The following RAPH1 variants were observed in gnomAD, a reference collection of about 807,000 sequenced individuals.
RAPH1 encodes the protein ras-associated and pleckstrin homology domains-containing protein 1.
A neutral mutation model predicts 88.1 loss-of-function variants in RAPH1; 18 were observed. The ratio of observed to expected loss-of-function variants is 0.20; its 90% confidence interval spans 0.14 to 0.30. RAPH1 has a LOEUF of 0.30. Among genes scored for constraint, RAPH1 ranks in the 10% least tolerant of loss-of-function variants. The probability of loss-of-function intolerance (pLI) is 1.00; values close to 1 mark genes in which losing one functional copy is unlikely to be tolerated. For missense variants in RAPH1, 1,448 were observed against 1,543.2 expected (o/e 0.94, Z 1.03); for synonymous variants, 587 against 559.0 (o/e 1.05, Z -0.71).
intron 1 of RAPH1, among the ~76,000 whole-genome samples, chr2:203,506,806 C>CTA (rs1559494440): frequency 1.6e-3 from 146 of 90,512 alleles, no homozygotes; most frequent in Non-Finnish European, 2.2e-3. Flanking sequence ...ATATATATAT[C>CTA]TATATCTATA....
At position 203,495,037 on chromosome 2, in the gene RAPH1, A is replaced by G. The variant is rs1581359350; in HGVS notation, c.120+197T>C. On this transcript the variant is annotated intron_variant, in intron 2 of 13. Transcript: ENST00000319170. ...AGCCTCTCTCACAAGTATTTTTTTT[A>G]ACATCCTTAAAATAACCATAGATTC... The G allele has an allele frequency of 6.0e-6, 3 of 504,000 alleles. No individual in the cohort carries two copies. The South Asian group carries it at 1.4e-4, about 24-fold the overall frequency. The allele number at this position is 504,000 out of a possible 1,614,324, so 31.2% of individuals were successfully genotyped here.
intron 4 of RAPH1, among the ~76,000 whole-genome samples, chr2:203,471,587 G>A (rs1408780666): frequency 9.2e-5 from 14 of 151,986 alleles, no homozygotes; most frequent in Non-Finnish European, 2.1e-4. Context: ...ACTCTAGCCT[G>A]GGCGACAAGT....
At chr2:203,441,491 T>C (rs769421155) in intron 13 of RAPH1, 78 bp from the exon 14 acceptor site, 25 of 1,444,810 alleles carry the variant, frequency 1.7e-5, no homozygotes, top group Non-Finnish European at 1.8e-5. Context: ...GCTTTGATTG[T>C]GTAAAACTAA....
intron 1 of RAPH1, among the ~76,000 whole-genome samples, chr2:203,509,494 A>G (rs1407855666): frequency 6.6e-6 from 1 of 152,176 alleles, no homozygotes; most frequent in Non-Finnish European, 1.5e-5. Flanking sequence ...AGACTTCAAG[A>G]TGGGTATTTT....
intron 1 of RAPH1, among the ~76,000 whole-genome samples, chr2:203,521,443 C>T (rs1014215721): frequency 2.6e-5 from 4 of 152,048 alleles, no homozygotes. Flanking sequence ...TTTATGGATA[C>T]ATACGTATGT....
In RAPH1 at chr2:203,448,850, G is replaced by A; in HGVS notation, c.1414-14C>T. 2 of 1,566,498 alleles carry A rather than the reference G, an allele frequency of 1.3e-6. No individual in the cohort carries two copies. Among genetic ancestry groups the A allele is most frequent in the Non-Finnish European group, 1.7e-6 (2 of 1,145,026 alleles). ...GATTTGTGGATGCTGCAAGATTAAA[G>A]ACAAAATCCAACTAAGTCCCTTGGA... On this transcript the variant is annotated splice_polypyrimidine_tract_variant and intron_variant, in intron 10 of 13. Transcript: ENST00000319170. This position sits in a 1 kb window ranked among gnomAD's most constrained non-coding sequence, Gnocchi z 4.1.
chr2:203,525,150 A>G (rs1272863323), intron 1 of RAPH1, among the ~76,000 whole-genome samples: 1 of 152,202 alleles, frequency 6.6e-6, no homozygotes, highest in Admixed American at 6.5e-5. Flanking sequence ...TTGCCCACCA[A>G]CAGGAAAATG....
At chr2:203,454,641 T>C in intron 9 of RAPH1, 101 bp from the exon 10 acceptor site, 2 of 728,122 alleles carry the variant, frequency 2.7e-6, no homozygotes, top group South Asian at 1.9e-5. Flanking sequence ...CTACTTTTGC[T>C]AATACTAAAT....
At chr2:203,455,846 TAAA>T (rs1034193198) in intron 8 of RAPH1, among the ~76,000 whole-genome samples, 2 of 123,348 alleles carry the variant, frequency 1.6e-5, no homozygotes, top group Non-Finnish European at 1.7e-5. Context: ...CGTCTCTACT[TAAA>T]AAAAAAAAAA....
At position 203,438,263 on chromosome 2, in the gene RAPH1, A is replaced by G. The variant is rs150182889; in HGVS notation, c.*1174T>C. On this transcript the variant is annotated 3_prime_UTR_variant, in exon 14 of 14. Transcript: ENST00000319170. The stretch of plus-strand genomic sequence containing the variant: ...ACTTAATGAGCTTTTTGTATTACAT[A>G]TTATAACCCATATACAACCAGATTA... 178 of 478,856 alleles carry G rather than the reference A, an allele frequency of 3.7e-4. 3 individuals are homozygous for G. The Middle Eastern group carries it at 3.9e-3, about 10-fold the overall frequency. The allele number at this position is 478,856 out of a possible 1,614,324, so 29.7% of individuals were successfully genotyped here.
At chr2:203,487,232 C>T (rs1349706766) in intron 4 of RAPH1, among the ~76,000 whole-genome samples, 1 of 152,182 alleles carries the variant, frequency 6.6e-6, no homozygotes, top group Non-Finnish European at 1.5e-5. Flanking sequence ...GGAATATCAA[C>T]ATACAAAACA....
At chr2:203,506,806 C>CTATATA (rs1559494440) in intron 1 of RAPH1, among the ~76,000 whole-genome samples, 4 of 90,536 alleles carry the variant, frequency 4.4e-5, no homozygotes, top group Admixed American at 1.2e-4. Flanking sequence ...ATATATATAT[C>CTATATA]TATATCTATA....
intron 2 of RAPH1, among the ~76,000 whole-genome samples, chr2:203,492,621 G>A (rs892398455): frequency 3.9e-5 from 6 of 152,148 alleles, no homozygotes; most frequent in Admixed American, 1.3e-4. Flanking sequence ...TTACAACAGA[G>A]AAATTCAGAG....
At chr2:203,479,130 A>C (rs1687605996) in intron 4 of RAPH1, among the ~76,000 whole-genome samples, 1 of 152,212 alleles carries the variant, frequency 6.6e-6, no homozygotes, top group South Asian at 2.1e-4. Context: ...AATGTGGTAA[A>C]ATGTTAAAAA....
intron 4 of RAPH1, chr2:203,470,447 T>G (rs2098532036): frequency 3.7e-6 from 2 of 543,890 alleles, no homozygotes; most frequent in South Asian, 5.8e-5. Context: ...TTCCCTAAGT[T>G]GAGTGAAATA....
chr2:203,449,753 G>A (rs965680908), intron 10 of RAPH1, among the ~76,000 whole-genome samples: 3 of 152,168 alleles, frequency 2.0e-5, no homozygotes, highest in Admixed American at 6.5e-5. Flanking sequence ...GGCCAGATAT[G>A]GTGGCTCATG....
At chr2:203,520,594 T>C (rs1210710690) in intron 1 of RAPH1, among the ~76,000 whole-genome samples, 1 of 150,822 alleles carries the variant, frequency 6.6e-6, no homozygotes, top group Non-Finnish European at 1.5e-5. Flanking sequence ...GCCATTGCAC[T>C]CCAGCCTGGG....
chr2:203,506,874 A>ATATC (rs1689099592), intron 1 of RAPH1, among the ~76,000 whole-genome samples: 1 of 96,622 alleles, frequency 1.0e-5, no homozygotes, highest in African/African-American at 4.9e-5. Context: ...ATATATATAT[A>ATATC]TATATAGATA....
At chr2:203,463,064 T>G (rs1299543771) in intron 4 of RAPH1, among the ~76,000 whole-genome samples, 1 of 151,848 alleles carries the variant, frequency 6.6e-6, no homozygotes, top group Non-Finnish European at 1.5e-5. Context: ...TAGCTGCTCT[T>G]GGTGGTGTGT....
Sources: allele counts gnomAD v4.1 joint callset (sites outside exome capture counted in the v4.1 genomes callset), GRCh38; gene constraint gnomAD v4.1.1; non-coding constraint Gnocchi (gnomAD v3.1); transcripts MANE v1.5; gene names NCBI Gene and HGNC (gene_info 2026-07-23, HGNC 2026-07-21).